Variants in CHSY3 observed in about 807,000 individuals in gnomAD.
CHSY3 encodes chondroitin sulfate synthase 3.
Under a neutral mutation model 67.2 loss-of-function variants are expected in CHSY3, and 35 were observed. That is an observed-to-expected ratio of 0.52 (90% CI 0.40 to 0.69). The LOEUF is 0.69. CHSY3 is among the 30% of genes least tolerant of loss of function. The pLI is 0.00. For missense variants in CHSY3, 1,069 were observed against 1,138.5 expected, an observed-to-expected ratio of 0.94 and a Z score of 0.88; for synonymous variants, 474 against 434.7, an observed-to-expected ratio of 1.09 and a Z score of -1.12.
chr5:130,160,127 A>T (rs930062119), intron 2 of CHSY3, among the ~76,000 whole-genome samples: 12 of 152,204 alleles, frequency 7.9e-5, no homozygotes, highest in Non-Finnish European at 1.2e-4. Context: ...TTTGGATCTA[A>T]ATCTGGAGCA....
intron 2 of CHSY3, among the ~76,000 whole-genome samples, chr5:130,014,956 A>G (rs1764174100): frequency 6.6e-6 from 1 of 152,176 alleles, no homozygotes. Flanking sequence ...TGCAAACCAT[A>G]CATCTGACAA....
At chr5:129,936,736 G>T (rs142842367) in intron 2 of CHSY3, among the ~76,000 whole-genome samples, 1 of 152,092 alleles carries the variant, frequency 6.6e-6, no homozygotes, top group African/African-American at 2.4e-5. Context: ...GTAAGAATGG[G>T]GTATAGACGA....
At chr5:130,020,600 G>A (rs1482113689) in intron 2 of CHSY3, among the ~76,000 whole-genome samples, 1 of 138,306 alleles carries the variant, frequency 7.2e-6, no homozygotes, top group Non-Finnish European at 1.6e-5. Flanking sequence ...CTCCGTTCAG[G>A]ACCATGTGTA....
chr5:130,121,625 A>T (rs2149709040), intron 2 of CHSY3, among the ~76,000 whole-genome samples: 1 of 152,280 alleles, frequency 6.6e-6, no homozygotes. Context: ...TCTGAGATTT[A>T]TGTAATTTGG....
chr5:130,056,248 T>C (rs992770254), intron 2 of CHSY3, among the ~76,000 whole-genome samples: 2 of 151,204 alleles, frequency 1.3e-5, no homozygotes, highest in African/African-American at 4.9e-5. Context: ...AAGTTTTGGT[T>C]CATCAGAAAG....
chr5:130,046,227 G>A (rs1339574953), intron 2 of CHSY3, among the ~76,000 whole-genome samples: 1 of 152,042 alleles, frequency 6.6e-6, no homozygotes, highest in Non-Finnish European at 1.5e-5. Context: ...TGAAGGTTAG[G>A]AAGCCATGTA....
intron 2 of CHSY3, among the ~76,000 whole-genome samples, chr5:130,056,055 C>T (rs1313624978): frequency 6.6e-6 from 1 of 152,078 alleles, no homozygotes; most frequent in African/African-American, 2.4e-5. Context: ...GAGGTAAATG[C>T]CTATAATGCT....
intron 2 of CHSY3, among the ~76,000 whole-genome samples, chr5:129,979,199 C>CAAAAAAAAAAAAAAAAAAAAAAAAA (rs58584381): frequency 1.6e-5 from 1 of 62,526 alleles, no homozygotes; most frequent in Admixed American, 2.5e-4. Context: ...GACTCCGTCT[C>CAAAAAAAAAAAAAAAAAAAAAAAAA]AAAAAAAAAA....
At chr5:130,145,949 A>C (rs1769061845) in intron 2 of CHSY3, among the ~76,000 whole-genome samples, 1 of 152,162 alleles carries the variant, frequency 6.6e-6, no homozygotes, top group African/African-American at 2.4e-5. Flanking sequence ...AAGACAAAAG[A>C]AAAGTGTTGG....
chr5:129,975,586 T>C (rs1405366218), intron 2 of CHSY3, among the ~76,000 whole-genome samples: 2 of 152,214 alleles, frequency 1.3e-5, no homozygotes, highest in East Asian at 3.8e-4. Context: ...CTTTACCTAA[T>C]GTGATTATTT....
At chr5:130,012,516 C>T (rs758932100) in intron 2 of CHSY3, among the ~76,000 whole-genome samples, 6 of 152,160 alleles carry the variant, frequency 3.9e-5, no homozygotes, top group Admixed American at 6.5e-5. Context: ...TTCCACATGG[C>T]TAGGGAGACC....
At chr5:130,116,485 C>T (rs1205184505) in intron 2 of CHSY3, among the ~76,000 whole-genome samples, 1 of 152,188 alleles carries the variant, frequency 6.6e-6, no homozygotes, top group African/African-American at 2.4e-5. Flanking sequence ...GATTTGTGGG[C>T]AGTATTAATG....
chr5:130,142,634 T>A (rs1034895099), intron 2 of CHSY3, among the ~76,000 whole-genome samples: 1 of 152,208 alleles, frequency 6.6e-6, no homozygotes, highest in South Asian at 2.1e-4. Context: ...AAATTCAAGA[T>A]CCTCAAAGCC....
At chr5:130,168,529 G>A (rs928792778) in intron 2 of CHSY3, among the ~76,000 whole-genome samples, 2 of 152,110 alleles carry the variant, frequency 1.3e-5, no homozygotes, top group Admixed American at 1.3e-4. Context: ...CAGCACAGAT[G>A]TGTAAAGTCT....
chr5:130,179,929 C>T (rs1008195400), intron 2 of CHSY3, among the ~76,000 whole-genome samples: 2 of 152,158 alleles, frequency 1.3e-5, no homozygotes, highest in African/African-American at 2.4e-5. Flanking sequence ...TCAGATTAAA[C>T]GTGCTTCATG....
intron 2 of CHSY3, among the ~76,000 whole-genome samples, chr5:130,029,038 G>A (rs796649927): frequency 3.3e-5 from 5 of 151,910 alleles, no homozygotes; most frequent in African/African-American, 1.2e-4. Context: ...TTTCCTGTGT[G>A]TTGGATATGA....
At chr5:129,994,647 C>T (rs1437941763) in intron 2 of CHSY3, among the ~76,000 whole-genome samples, 1 of 152,088 alleles carries the variant, frequency 6.6e-6, no homozygotes, top group African/African-American at 2.4e-5. Flanking sequence ...GGAACCAACC[C>T]AGATGTCCAA....
At chr5:130,124,353 A>G (rs974552866) in intron 2 of CHSY3, among the ~76,000 whole-genome samples, 1 of 150,340 alleles carries the variant, frequency 6.7e-6, no homozygotes, top group Admixed American at 6.7e-5. Flanking sequence ...ATGAATCAAC[A>G]GTAGTTATTT....
chr5:129,921,392 A>G (rs1299316735), intron 2 of CHSY3, among the ~76,000 whole-genome samples: 2 of 152,262 alleles, frequency 1.3e-5, no homozygotes, highest in African/African-American at 4.8e-5. Flanking sequence ...GCAGGGATCC[A>G]CTAGATAAAG....
Sources: gnomAD v4.1 joint callset for allele counts (sites outside exome capture counted in the v4.1 genomes callset) on GRCh38, gnomAD v4.1.1 for gene constraint, MANE v1.5 for transcripts, NCBI Gene and HGNC (gene_info 2026-07-23, HGNC 2026-07-21) for gene names.